The following SEMA3E variants were observed in gnomAD, a reference collection of about 807,000 sequenced individuals.
SEMA3E encodes the protein semaphorin-3E.
SEMA3E carries 49 observed loss-of-function variants against 93.6 expected under a neutral mutation model. The ratio of observed to expected loss-of-function variants is 0.52; its 90% confidence interval spans 0.42 to 0.66. The LOEUF is 0.66. SEMA3E is among the 30% of genes least tolerant of loss of function. The pLI, the probability that SEMA3E is intolerant of heterozygous loss-of-function variation, is 0.00. For missense variants in SEMA3E, 906 were observed against 964.8 expected (o/e 0.94, Z 0.81); for synonymous variants, 363 against 330.7 (o/e 1.10, Z -1.06).
intron 1 of SEMA3E, among the ~76,000 whole-genome samples, chr7:83,603,023 C>A (rs41320544): frequency 6.6e-6 from 1 of 151,920 alleles, no homozygotes. Context: ...AAAACTTAAC[C>A]TATCAGAAAT....
chr7:83,511,505 AG>A (rs1469997392), intron 1 of SEMA3E, among the ~76,000 whole-genome samples: 1 of 152,126 alleles, frequency 6.6e-6, no homozygotes, highest in Non-Finnish European at 1.5e-5. Flanking sequence ...TAAGTGGGTA[AG>A]GGTCTAGAGC....
intron 1 of SEMA3E, among the ~76,000 whole-genome samples, chr7:83,575,938 G>A (rs1487379285): frequency 6.6e-6 from 1 of 152,098 alleles, no homozygotes; most frequent in Non-Finnish European, 1.5e-5. Flanking sequence ...TAGCACTCAG[G>A]TGGTGAAGCA....
At chr7:83,418,529 T>A in intron 4 of SEMA3E, 46 bp from the exon 5 acceptor site, 1 of 1,241,998 alleles carries the variant, frequency 8.1e-7, no homozygotes, top group Non-Finnish European at 1.2e-6. Flanking sequence ...CCTCCTCTAA[T>A]AATCATTTAA....
chr7:83,449,675 A>C (rs908341354), intron 4 of SEMA3E, among the ~76,000 whole-genome samples: 1 of 152,184 alleles, frequency 6.6e-6, no homozygotes. Flanking sequence ...TTGATTGTCA[A>C]TAAGTTAAAT....
At position 83,523,909 on chromosome 7, in the gene SEMA3E, T is replaced by C. The variant is rs142254157; in HGVS notation, c.116-33635A>G. On this transcript the variant is annotated intron_variant, in intron 1 of 16. Transcript: ENST00000643230. ...AGGACATAGAAAGCCTGGTAACAGA[T>C]ATTTTTAAGAAATAAACATTTAATA... Among the ~76,000 whole-genome samples the C allele has an allele frequency of 2.8e-3, 427 of 152,246 alleles. 2 individuals are homozygous for C. Among genetic ancestry groups the C allele is most frequent in the African/African-American group, 9.2e-3 (384 of 41,564 alleles).
At chr7:83,567,177 A>G (rs1792179600) in intron 1 of SEMA3E, among the ~76,000 whole-genome samples, 1 of 152,206 alleles carries the variant, frequency 6.6e-6, no homozygotes, top group Non-Finnish European at 1.5e-5. Flanking sequence ...AAGCCATTAT[A>G]TAGTGACAAA....
chr7:83,605,967 C>G (rs1248230196), intron 1 of SEMA3E, among the ~76,000 whole-genome samples: 1 of 152,080 alleles, frequency 6.6e-6, no homozygotes, highest in Non-Finnish European at 1.5e-5. Context: ...TTCCATTTGT[C>G]AATTTTAGTT....
chr7:83,430,318 A>T (rs943994699), intron 4 of SEMA3E, among the ~76,000 whole-genome samples: 1 of 152,026 alleles, frequency 6.6e-6, no homozygotes, highest in Non-Finnish European at 1.5e-5. Flanking sequence ...CACAAAAATT[A>T]GCTGGGCATA....
intron 1 of SEMA3E, among the ~76,000 whole-genome samples, chr7:83,633,113 C>T (rs541873634): frequency 6.6e-6 from 1 of 152,038 alleles, no homozygotes; most frequent in South Asian, 2.1e-4. Flanking sequence ...TTTTAATTCC[C>T]TAATTCCAGT....
At chr7:83,443,899 A>G (rs1241845122) in intron 4 of SEMA3E, among the ~76,000 whole-genome samples, 1 of 138,382 alleles carries the variant, frequency 7.2e-6, no homozygotes, top group African/African-American at 2.8e-5. Flanking sequence ...AAATAACGTT[A>G]AGTAAAATAA....
intron 1 of SEMA3E, among the ~76,000 whole-genome samples, chr7:83,630,438 G>A (rs1793763350): frequency 6.6e-6 from 1 of 152,086 alleles, no homozygotes; most frequent in Non-Finnish European, 1.5e-5. Context: ...ATTATATTCA[G>A]ATGTACTAGA....
At chr7:83,556,445 C>G (rs1163167938) in intron 1 of SEMA3E, among the ~76,000 whole-genome samples, 7 of 152,030 alleles carry the variant, frequency 4.6e-5, no homozygotes, top group Admixed American at 4.6e-4. Context: ...GTGAACAAAA[C>G]AGACAATGAT....
chr7:83,395,918 C>T (rs1788109696), intron 12 of SEMA3E, among the ~76,000 whole-genome samples: 1 of 151,992 alleles, frequency 6.6e-6, no homozygotes, highest in African/African-American at 2.4e-5. Flanking sequence ...TTGATAATTA[C>T]GTTATAAATA....
intron 4 of SEMA3E, among the ~76,000 whole-genome samples, chr7:83,449,086 A>G (rs1442655573): frequency 2.4e-5 from 3 of 126,180 alleles, no homozygotes; most frequent in Non-Finnish European, 3.5e-5. Context: ...TTATTTTTTA[A>G]ATTTTATTTA....
At chr7:83,523,856 A>G (rs1281354361) in intron 1 of SEMA3E, among the ~76,000 whole-genome samples, 1 of 152,094 alleles carries the variant, frequency 6.6e-6, no homozygotes, top group Admixed American at 6.6e-5. Context: ...GGGCAAGAAC[A>G]TGTTTTGTCC....
intron 1 of SEMA3E, among the ~76,000 whole-genome samples, chr7:83,541,379 TCAATAAA>T (rs1457660329): frequency 6.6e-6 from 1 of 152,090 alleles, no homozygotes; most frequent in Admixed American, 6.6e-5. Flanking sequence ...ATTTGGTGAA[TCAATAAA>T]CAAATAAAAG....
At position 83,637,789 on chromosome 7, in the gene SEMA3E, CTT is replaced by C. The variant is rs202153375; in HGVS notation, c.115+10637_115+10638del. The stretch of plus-strand genomic sequence containing the variant: ...ATAAATTATCCAGTCTCTGGCAGTT[CTT>C]TTTTTTTTTTTTTTTCATTCAAAAT... On this transcript the variant is annotated intron_variant, in intron 1 of 16. Transcript: ENST00000643230. 2.2e-3 allele frequency among the ~76,000 whole-genome samples: 289 copies of C among 128,940 alleles called. 2 individuals carry two copies. The highest frequency in any genetic ancestry group is 0.012 in the Middle Eastern group (3 of 242). The allele number at this position is 128,940 out of a possible 152,430, so 84.6% of individuals were successfully genotyped here.
rs375066572 is a variant in SEMA3E at position 83,389,493 on chromosome 7, C to T, written c.1668-2443G>A. ...ATCGCTGAAAGTTATTGGAAACATA[C>T]ATTTAAAAAGAAAGACATCACATTC... On this transcript the variant is annotated intron_variant, in intron 14 of 16. Coordinates refer to ENST00000643230, the MANE Select transcript of SEMA3E (RefSeq NM_012431.3). Among the ~76,000 whole-genome samples, 2 of 151,592 alleles carry T rather than the reference C, an allele frequency of 1.3e-5. 1 individual carries two copies.
At chr7:83,509,672 C>T (rs1461549147) in intron 1 of SEMA3E, among the ~76,000 whole-genome samples, 1 of 152,154 alleles carries the variant, frequency 6.6e-6, no homozygotes, top group Non-Finnish European at 1.5e-5. Flanking sequence ...CTGGGTTGCA[C>T]ATTGGAATCT....
Sources: gnomAD v4.1 joint callset for allele counts (sites outside exome capture counted in the v4.1 genomes callset) on GRCh38, gnomAD v4.1.1 for gene constraint, MANE v1.5 for transcripts, NCBI Gene and HGNC (gene_info 2026-07-23, HGNC 2026-07-21) for gene names.